POLH: variants seen among roughly 807,000 people sequenced by gnomAD.
POLH encodes DNA polymerase eta, also known as DNA polymerase eta transcript.
POLH carries 53 observed loss-of-function variants against 73.6 expected under a neutral mutation model. The ratio of observed to expected loss-of-function variants is 0.72; its 90% CI spans 0.58 to 0.91. POLH has a LOEUF of 0.91. Among genes scored for constraint, POLH ranks in the 40% least tolerant of loss-of-function variants. The probability of loss-of-function intolerance (pLI) is 0.00; values close to 1 mark genes in which losing one functional copy is unlikely to be tolerated. For synonymous variants in POLH, 292 were observed against 308.5 expected (o/e 0.95, Z 0.56); for missense variants, 768 against 865.4 (o/e 0.89, Z 1.41).
At chr6:43,606,338 T>C (rs1767286232) in intron 9 of POLH, among the ~76,000 whole-genome samples, 1 of 152,132 alleles carries the variant, frequency 6.6e-6, no homozygotes, top group South Asian at 2.1e-4. Flanking sequence ...ACCACTGTTT[T>C]ATTCTCTATC....
chr6:43,607,274 T>A (rs1029486386), intron 9 of POLH, among the ~76,000 whole-genome samples: 4 of 152,202 alleles, frequency 2.6e-5, no homozygotes, highest in African/African-American at 9.6e-5. Flanking sequence ...TTTGTATTTT[T>A]AGTAGAGATA....
chr6:43,581,651 G>A (rs1365696519), intron 1 of POLH, among the ~76,000 whole-genome samples: 1 of 126,630 alleles, frequency 7.9e-6, no homozygotes, highest in Non-Finnish European at 1.6e-5. Flanking sequence ...TCTGCTGCCC[G>A]CTGAACTCCA....
In POLH at chr6:43,617,669, C is replaced by T. The variant is rs550054924; in HGVS notation, c.*3112C>T. Among the ~76,000 whole-genome samples, 2 of 152,022 alleles carry T rather than the reference C, an allele frequency of 1.3e-5. No homozygotes were observed. The highest frequency in any genetic ancestry group is 4.2e-4 in the South Asian group (2 of 4,810). ...TGTGGGCCGGGTGCAGTGGCTCATG[C>T]CTGTAATCCCAGCACTTTGGGAGGC... is the stretch of plus-strand genomic sequence containing the variant. On this transcript the variant is annotated 3_prime_UTR_variant, in exon 11 of 11. Coordinates refer to ENST00000372236, the MANE Select transcript of POLH (RefSeq NM_006502.3).
Position 43,587,469 on chromosome 6 carries a change from C to G in POLH, c.470C>G (p.Ala157Gly). Residue 157 changes from alanine (A) to glycine (G), a missense_variant, in exon 4 of 11, where the codon GCA (alanine) becomes GGA (glycine). Coordinates refer to ENST00000372236, the MANE Select transcript of POLH (RefSeq NM_006502.3). ...GGGTTGCCCCAAGGCCCTACAACGGCAGAAGAGACTGTTCAGAAAGGTACT... is the reference window on the plus strand; with the variant it reads ...GGGTTGCCCCAAGGCCCTACAACGGGAGAAGAGACTGTTCAGAAAGGTACT... Reference protein sequence around the residue: ...IEGLPQGPTTAEETVQKEGMR... With the variant: ...IEGLPQGPTTGEETVQKEGMR... 1 of 1,613,190 alleles carries G rather than the reference C, an allele frequency of 6.2e-7. No individual in the cohort carries two copies. The highest frequency in any genetic ancestry group is 2.2e-5 in the East Asian group (1 of 44,880).
intron 9 of POLH, among the ~76,000 whole-genome samples, chr6:43,607,373 G>A (rs983294162): frequency 3.9e-5 from 6 of 152,218 alleles, no homozygotes; most frequent in South Asian, 2.1e-4. Flanking sequence ...GATTACAGGC[G>A]TGAGCCACTG....
In POLH at chr6:43,605,293, G is replaced by A; in HGVS notation, c.1048G>A (p.Glu350Lys). The change falls in exon 9 of 11, where the codon GAG (glutamate) becomes AAG (lysine). Residue 350 changes from glutamate to lysine, a missense_variant. Coordinates refer to ENST00000372236, the MANE Select transcript of POLH (RefSeq NM_006502.3). ...WLLQLAQELE[E>K]RLTKDRNDND... The stretch of plus-strand genomic sequence containing the variant: ...GTTGCAATTAGCCCAGGAACTAGAG[G>A]AGAGACTGACTAAAGACCGAAATGA... The A allele has an allele frequency of 6.3e-7, 1 of 1,597,986 alleles. No homozygotes were observed. The highest frequency in any genetic ancestry group is 8.6e-7 in the Non-Finnish European group (1 of 1,165,622).
rs745988408 is a variant in POLH, at chr6:43,587,492, A to G, written c.490+3A>G. The G allele has an allele frequency of 3.8e-5, 60 of 1,599,964 alleles. No individual in the cohort carries two copies. The highest frequency in any genetic ancestry group is 5.1e-5 in the Non-Finnish European group (59 of 1,167,122). ...GGCAGAAGAGACTGTTCAGAAAGGT[A>G]CTTCCATAGCATCATACTGCTTCTG... On this transcript the variant is annotated splice_donor_region_variant and intron_variant, in intron 4 of 10. Transcript: ENST00000372236.
intron 10 of POLH, among the ~76,000 whole-genome samples, chr6:43,612,718 C>T (rs1489367607): frequency 6.6e-6 from 1 of 151,860 alleles, no homozygotes; most frequent in African/African-American, 2.4e-5. Context: ...TACATAAAAG[C>T]ATATTTCATC....
intron 4 of POLH, among the ~76,000 whole-genome samples, chr6:43,591,840 A>G (rs1345170146): frequency 1.3e-5 from 2 of 152,150 alleles, no homozygotes; most frequent in Non-Finnish European, 2.9e-5. Flanking sequence ...CAGAATTAGA[A>G]CTAGTCTTAC....
intron 10 of POLH, among the ~76,000 whole-genome samples, chr6:43,613,202 T>C (rs892076929): frequency 1.3e-5 from 2 of 152,176 alleles, no homozygotes; most frequent in African/African-American, 4.8e-5. Context: ...CAGTCAGGGT[T>C]AGGTAGTGCC....
At chr6:43,584,723 G>A (rs1038145365) in intron 3 of POLH, among the ~76,000 whole-genome samples, 9 of 152,282 alleles carry the variant, frequency 5.9e-5, no homozygotes, top group East Asian at 5.8e-4. Flanking sequence ...CCTTTAGAAC[G>A]TCTGAACAGC....
rs1276036081 is a variant in POLH, at chr6:43,619,306, A to G, written c.*4749A>G. Among the ~76,000 whole-genome samples, 1 of 148,512 alleles carries G rather than the reference A, an allele frequency of 6.7e-6. No individual in the cohort carries two copies. The highest frequency in any genetic ancestry group is 1.5e-5 in the Non-Finnish European group (1 of 67,674). On this transcript the variant is annotated 3_prime_UTR_variant, in exon 11 of 11. Coordinates refer to ENST00000372236, the MANE Select transcript of POLH (RefSeq NM_006502.3). The stretch of plus-strand genomic sequence containing the variant: ...CCTGAATCTGGGAGTTTGGGGCTGC[A>G]ATAAGCCATGATTGTGCCGCTGCAC...
At chr6:43,595,152 GTT>G (rs113844082) in intron 4 of POLH, among the ~76,000 whole-genome samples, 109 of 146,750 alleles carry the variant, frequency 7.4e-4, no homozygotes, top group African/African-American at 2.6e-3. Flanking sequence ...CAAAAGACAG[GTT>G]TTTTTTTTTT....
chr6:43,616,671 T>G lies in POLH; in HGVS notation c.*2114T>G, dbSNP rs2127825458. On this transcript the variant is annotated 3_prime_UTR_variant, in exon 11 of 11. Coordinates refer to ENST00000372236, the MANE Select transcript of POLH (RefSeq NM_006502.3). Reference sequence around the variant, plus strand: ...ATACCTTCACCAGATTTACCTGTTTTCAGCTGAAGAATGTGAGATGAAGCC... The same window carrying G: ...ATACCTTCACCAGATTTACCTGTTTGCAGCTGAAGAATGTGAGATGAAGCC... Among the ~76,000 whole-genome samples the G allele has an allele frequency of 6.6e-6, 1 of 152,296 alleles. No homozygotes were observed. Among genetic ancestry groups the G allele is most frequent in the Non-Finnish European group, 1.5e-5 (1 of 68,022 alleles).
At position 43,614,610 on chromosome 6, in the gene POLH, TTTATCTTTAA is replaced by T; in HGVS notation, c.*55_*64del. The T allele has an allele frequency of 1.4e-6, 2 of 1,403,198 alleles. No individual in the cohort carries two copies. Among genetic ancestry groups the T allele is most frequent in the South Asian group, 2.4e-5 (2 of 81,878 alleles). 86.9% of individuals were successfully genotyped at this position (1,403,198 alleles called of 1,614,324 possible). A position where few individuals can be genotyped will look rare whatever the true frequency, so the allele number is the denominator to read the frequency against. On this transcript the variant is annotated 3_prime_UTR_variant, in exon 11 of 11. Transcript: ENST00000372236. ...TTAATATTTTTTATCTTTACAGATCTTTATCTTTAATATTTTATCTTTACAGATTTCCCTG... is the reference window on the plus strand; with the variant it reads ...TTAATATTTTTTATCTTTACAGATCTTATTTTATCTTTACAGATTTCCCTG...
At position 43,613,656 on chromosome 6, in the gene POLH, A is replaced by T; in HGVS notation, c.1245-4A>T. On this transcript the variant is annotated splice_polypyrimidine_tract_variant and splice_region_variant and intron_variant, in intron 10 of 10. Coordinates refer to ENST00000372236, the MANE Select transcript of POLH (RefSeq NM_006502.3). ...ATCATCTTATTTCTTTACTTTCTGT[A>T]TAGGTCTCCTCCTCTCACAATGCTT... is the stretch of plus-strand genomic sequence containing the variant. 1 of 1,611,366 alleles carries T rather than the reference A, an allele frequency of 6.2e-7. No homozygotes were observed. The highest frequency in any genetic ancestry group is 8.5e-7 in the Non-Finnish European group (1 of 1,177,624).
chr6:43,611,049 T>A (rs1767835443), intron 10 of POLH, among the ~76,000 whole-genome samples: 1 of 152,196 alleles, frequency 6.6e-6, no homozygotes, highest in South Asian at 2.1e-4. Context: ...GGAATCTCTG[T>A]CTTAGCTCTA....
chr6:43,606,365 A>T (rs934619824), intron 9 of POLH, among the ~76,000 whole-genome samples: 2 of 149,464 alleles, frequency 1.3e-5, no homozygotes, highest in African/African-American at 5.0e-5. Flanking sequence ...TATTTGACTT[A>T]AAAAAAAAAT....
intron 3 of POLH, among the ~76,000 whole-genome samples, chr6:43,585,637 C>CTTTTTTTTTTT (rs1208848737): frequency 7.4e-5 from 8 of 107,410 alleles, no homozygotes; most frequent in African/African-American, 4.3e-4. Context: ...TCTTTCTTTT[C>CTTTTTTTTTTT]TTTTTTTTTT....
Sources: gnomAD v4.1 joint callset for allele counts (sites outside exome capture counted in the v4.1 genomes callset) on GRCh38, gnomAD v4.1.1 for gene constraint, MANE v1.5 for transcripts, NCBI Gene and HGNC (gene_info 2026-07-23, HGNC 2026-07-21) for gene names.